RANBP2: variants seen among roughly 807,000 people sequenced by gnomAD.
RANBP2 encodes the protein RAN binding protein 2.
Under a neutral mutation model 303.6 loss-of-function variants are expected in RANBP2, and 57 were observed. That is an observed-to-expected ratio of 0.19 (90% CI 0.15 to 0.23). RANBP2 has a LOEUF of 0.23. RANBP2 is among the 10% of genes least tolerant of loss of function. The pLI is 1.00. For missense variants in RANBP2, 3,138 were observed against 3,780.8 expected (o/e 0.83, Z 4.46); for synonymous variants, 1,167 against 1,301.5 (o/e 0.90, Z 2.23).
the RANBP2 span, among the ~76,000 whole-genome samples, chr2:109,424,651 G>A: frequency 1.4e-4 from 21 of 152,060 alleles, no homozygotes; most frequent in Admixed American, 5.2e-4. Context: ...GATTTTTGGC[G>A]TTACTGTTAT....
At chr2:109,531,853 A>G in the RANBP2 span, among the ~76,000 whole-genome samples, 1 of 152,394 alleles carries the variant, frequency 6.6e-6, no homozygotes, top group South Asian at 2.1e-4. Context: ...GGTCACCTCA[A>G]GGGGAGGGAT....
chr2:109,118,423 G>T, the RANBP2 span, among the ~76,000 whole-genome samples: 1 of 151,720 alleles, frequency 6.6e-6, no homozygotes, highest in Admixed American at 6.5e-5. Flanking sequence ...TCTGCCTGCA[G>T]ACCCTGACCC....
At chr2:109,339,258 G>A in the RANBP2 span, among the ~76,000 whole-genome samples, 1 of 151,454 alleles carries the variant, frequency 6.6e-6, no homozygotes, top group Admixed American at 6.6e-5. Context: ...AACCCATGTT[G>A]GTTCAAGGGT....
At chr2:109,209,486 G>A in the RANBP2 span, among the ~76,000 whole-genome samples, 2 of 152,168 alleles carry the variant, frequency 1.3e-5, no homozygotes, top group Non-Finnish European at 2.9e-5. Context: ...ACACTCCTGA[G>A]CTGGGAGAGC....
At chr2:109,401,211 G>A in the RANBP2 span, among the ~76,000 whole-genome samples, 1 of 152,242 alleles carries the variant, frequency 6.6e-6, no homozygotes, top group Admixed American at 6.5e-5. Context: ...TTGGCCCAGA[G>A]CTGGGGTCCC....
the RANBP2 span, among the ~76,000 whole-genome samples, chr2:109,084,614 A>G: frequency 6.6e-6 from 1 of 152,272 alleles, no homozygotes; most frequent in Middle Eastern, 3.4e-3. Flanking sequence ...CAGAGGTGAA[A>G]CAAGTGGAGT....
the RANBP2 span, among the ~76,000 whole-genome samples, chr2:108,977,545 C>T: frequency 1.1e-4 from 17 of 152,298 alleles, no homozygotes; most frequent in South Asian, 1.0e-3. Flanking sequence ...GCTGGGATTA[C>T]AGGCGTGAGC....
At chr2:109,373,975 A>G in the RANBP2 span, among the ~76,000 whole-genome samples, 1 of 152,058 alleles carries the variant, frequency 6.6e-6, no homozygotes, top group Non-Finnish European at 1.5e-5. Context: ...CTGGTTCCAC[A>G]GGCACACTCA....
the RANBP2 span, among the ~76,000 whole-genome samples, chr2:109,588,586 C>CA: frequency 6.6e-6 from 1 of 152,008 alleles, no homozygotes; most frequent in Non-Finnish European, 1.5e-5. Flanking sequence ...CTCCGCCCCC[C>CA]AGGTTCAAGG....
the RANBP2 span, among the ~76,000 whole-genome samples, chr2:109,555,028 C>T: frequency 6.6e-6 from 1 of 152,128 alleles, no homozygotes; most frequent in Non-Finnish European, 1.5e-5. Flanking sequence ...ACAGCCGAAC[C>T]TGATCTTTGT....
the RANBP2 span, among the ~76,000 whole-genome samples, chr2:109,079,893 T>A: frequency 1.5e-3 from 227 of 152,308 alleles, 1 homozygote; most frequent in Admixed American, 4.3e-3. Context: ...GTCCCTAGAC[T>A]GCTGAGAGGC....
chr2:109,446,396 T>G, the RANBP2 span, among the ~76,000 whole-genome samples: 1 of 152,230 alleles, frequency 6.6e-6, no homozygotes, highest in Non-Finnish European at 1.5e-5. Flanking sequence ...GGAGCTCCGT[T>G]GCACAGTGGG....
chr2:108,944,040 G>A, the RANBP2 span, among the ~76,000 whole-genome samples: 1 of 152,236 alleles, frequency 6.6e-6, no homozygotes, highest in Non-Finnish European at 1.5e-5. Context: ...TCTCAGGAAT[G>A]TACACAGGCA....
the RANBP2 span, chr2:109,545,853 T>C: frequency 1.4e-6 from 2 of 1,440,244 alleles, no homozygotes; most frequent in Non-Finnish European, 1.8e-6. Flanking sequence ...ACATAACATG[T>C]GCCAGGTGCT....
chr2:109,252,011 G>A, the RANBP2 span, among the ~76,000 whole-genome samples: 1 of 152,236 alleles, frequency 6.6e-6, no homozygotes, highest in African/African-American at 2.4e-5. Flanking sequence ...GGGAGGCCAA[G>A]GTAGGAGGAT....
At chr2:109,024,414 C>T in the RANBP2 span, among the ~76,000 whole-genome samples, 1 of 152,216 alleles carries the variant, frequency 6.6e-6, no homozygotes, top group Non-Finnish European at 1.5e-5. Context: ...TTCACGGCTA[C>T]TGTCGAAAAT....
chr2:108,741,092 A>G (rs930447681), intron 7 of RANBP2, among the ~76,000 whole-genome samples: 24 of 152,222 alleles, frequency 1.6e-4, no homozygotes, highest in South Asian at 6.2e-4. Context: ...TATGATTGCA[A>G]TTTAACATGT....
chr2:109,299,014 G>A, the RANBP2 span, among the ~76,000 whole-genome samples: 1 of 152,158 alleles, frequency 6.6e-6, no homozygotes, highest in African/African-American at 2.4e-5. Flanking sequence ...TGCCTCCCTG[G>A]TGATGTCTCC....
chr2:109,505,573 G>T, the RANBP2 span, among the ~76,000 whole-genome samples: 3 of 152,168 alleles, frequency 2.0e-5, no homozygotes, highest in Admixed American at 2.0e-4. Flanking sequence ...CAGTCACTGG[G>T]GAGGTAGCTG....
Sources: allele counts gnomAD v4.1 joint callset (sites outside exome capture counted in the v4.1 genomes callset), GRCh38; gene constraint gnomAD v4.1.1; transcripts MANE v1.5; gene names NCBI Gene and HGNC (gene_info 2026-07-23, HGNC 2026-07-21).